Variants in MACF1 observed in about 807,000 individuals in gnomAD.
MACF1 encodes microtubule-actin cross-linking factor 1.
A neutral mutation model predicts 854.8 loss-of-function variants in MACF1; 193 were observed. The ratio of observed to expected loss-of-function variants is 0.23; its 90% CI spans 0.20 to 0.25. The LOEUF is 0.25. MACF1 is among the 10% of genes least tolerant of loss of function. The pLI is 1.00. For missense variants in MACF1, 7,722 were observed against 8,929.1 expected (o/e 0.86, Z 5.45); for synonymous variants, 3,185 against 3,226.7 (o/e 0.99, Z 0.44).
intron 58 of MACF1, among the ~76,000 whole-genome samples, chr1:39,402,321 G>T (rs1011492315): frequency 6.6e-6 from 1 of 152,164 alleles, no homozygotes; most frequent in Non-Finnish European, 1.5e-5. Flanking sequence ...GTTAGTCCCA[G>T]GGGGAGGCCC....
At chr1:39,234,722 G>A (rs1478200275) in intron 2 of MACF1, among the ~76,000 whole-genome samples, 3 of 135,936 alleles carry the variant, frequency 2.2e-5, no homozygotes, top group Admixed American at 2.2e-4. Context: ...GGCGGCTGCC[G>A]GGCGGAGGGG....
chr1:39,360,706 ATTAT>A, intron 47 of MACF1, 83 bp from the exon 48 acceptor site: 1 of 338,134 alleles, frequency 3.0e-6, no homozygotes, highest in Non-Finnish European at 4.6e-6. Context: ...TTTATTATTT[ATTAT>A]TTAATAATAT....
intron 2 of MACF1, among the ~76,000 whole-genome samples, chr1:39,106,330 C>G (rs1642237112): frequency 6.6e-6 from 1 of 152,104 alleles, no homozygotes; most frequent in African/African-American, 2.4e-5. Context: ...TTTTTCCTCC[C>G]ACATAAAGAT....
chr1:39,378,148 C>T (rs1649877418), intron 52 of MACF1, among the ~76,000 whole-genome samples: 1 of 152,098 alleles, frequency 6.6e-6, no homozygotes, highest in African/African-American at 2.4e-5. Flanking sequence ...CCATTCTAGA[C>T]TGAATAATTT....
At chr1:39,208,556 C>T (rs913187573) in intron 1 of MACF1, among the ~76,000 whole-genome samples, 5 of 152,198 alleles carry the variant, frequency 3.3e-5, no homozygotes, top group African/African-American at 4.8e-5. Context: ...CGGGTTCAAG[C>T]GATTCTCATG....
chr1:39,432,273 T>G (rs1643888308), intron 66 of MACF1, among the ~76,000 whole-genome samples: 1 of 152,186 alleles, frequency 6.6e-6, no homozygotes, highest in African/African-American at 2.4e-5. Flanking sequence ...GCATCTTTCT[T>G]TTGAAGGGGA....
At position 39,428,212 on chromosome 1, in the gene MACF1, T is replaced by C. The variant is rs771454136; in HGVS notation, c.16728T>C (p.Val5576=). 3 of 1,614,176 alleles carry C rather than the reference T, an allele frequency of 1.9e-6. No homozygotes were observed. Among genetic ancestry groups the C allele is most frequent in the Admixed American group, 3.3e-5 (2 of 60,010 alleles). Residue 5576 remains valine, a synonymous_variant, in exon 63 of 101, where the codon GTT becomes GTC. Coordinates refer to ENST00000564288, the MANE Select transcript of MACF1 (RefSeq NM_001394062.1). ...EVEVLNWLAE[V]EDKLSSVFVK... is the part of the protein sequence containing the mutation. ...AGGTGCTCAACTGGCTGGCTGAGGT[T>C]GAGGACAAGCTCAGTTCAGTGTTCG...
chr1:39,292,229 A>G (rs1346968971), intron 16 of MACF1, among the ~76,000 whole-genome samples, 191 bp downstream of exon 16: 1 of 152,202 alleles, frequency 6.6e-6, no homozygotes, highest in Non-Finnish European at 1.5e-5. Context: ...AACTTGTGAG[A>G]AAAGTATTTT....
intron 2 of MACF1, among the ~76,000 whole-genome samples, chr1:39,157,324 G>C (rs1210975778): frequency 1.3e-5 from 2 of 152,114 alleles, no homozygotes; most frequent in African/African-American, 4.8e-5. Flanking sequence ...TTTTTAGGTG[G>C]GCATACTCCC....
At chr1:39,210,898 G>A (rs1307747670) in intron 1 of MACF1, among the ~76,000 whole-genome samples, 1 of 151,080 alleles carries the variant, frequency 6.6e-6, no homozygotes, top group African/African-American at 2.5e-5. Flanking sequence ...TGGTTGTTTT[G>A]ACTTAGTTGT....
At chr1:39,458,055 T>G in intron 89 of MACF1, 1 of 214,194 alleles carries the variant, frequency 4.7e-6, no homozygotes, top group Non-Finnish European at 9.3e-6. Context: ...CAGCCAGTTC[T>G]CATGTGAACT....
rs1271350869 is a variant in MACF1 at position 39,439,363 on chromosome 1, C to G, written c.18310C>G (p.Leu6104Val). The G allele has an allele frequency of 4.3e-6, 7 of 1,613,828 alleles. 1 individual carries two copies. The Admixed American group carries it at 8.3e-5, about 19-fold the overall frequency. Residue 6104 changes from leucine to valine, a missense_variant, in exon 72 of 101, where the codon CTT becomes GTT. Leu to Val is a conservative substitution (Grantham distance 32). Around this residue, in one of 15 missense-constraint regions of MACF1, gnomAD observed 2,807 missense variants for 3,235.8 expected, o/e 0.87. Coordinates refer to ENST00000564288, the MANE Select transcript of MACF1 (RefSeq NM_001394062.1). Reference sequence around the variant, plus strand: ...ACGAGAAATCAAATTTCTTGATGTCCTTGAATTAGCAGAGAAGTTCTGGTA... The same window carrying G: ...ACGAGAAATCAAATTTCTTGATGTCGTTGAATTAGCAGAGAAGTTCTGGTA... Reference protein sequence around the residue: ...EEREIKFLDVLELAEKFWYDM... With the variant: ...EEREIKFLDVVELAEKFWYDM...
chr1:39,283,562 G>C lies in MACF1; in HGVS notation c.915+47G>C. ...AGGCCTTCTGACTTTGATTCATTTG[G>C]GTGAAATGCATTGGTTAGACACTTT... On this transcript the variant is annotated intron_variant, in intron 9 of 100. Transcript: ENST00000564288. This position sits in a 1 kb window ranked among gnomAD's most constrained non-coding sequence, Gnocchi z 4.5. 7.4e-7 allele frequency: 1 copy of C among 1,347,568 alleles called. No individual in the cohort carries two copies. The highest frequency in any genetic ancestry group is 1.1e-6 in the Non-Finnish European group (1 of 939,052). The allele number at this position is 1,347,568 out of a possible 1,614,324, so 83.5% of individuals were successfully genotyped here. A position where few individuals can be genotyped will look rare whatever the true frequency, so the allele number is the denominator to read the frequency against.
rs568882610 is a variant in MACF1, at chr1:39,268,379, A to G, written c.528+10351A>G. ...TTTGTGTTACTGAGGGCAGTGCTCC[A>G]ATTACCTCATATTTGGAGAGAGGAA... On this transcript the variant is annotated intron_variant, in intron 6 of 100. Transcript: ENST00000564288. The G allele has an allele frequency of 4.4e-6, 4 of 913,792 alleles. No homozygotes were observed. In the East Asian group the frequency reaches 4.3e-4, roughly 97 times the overall value. The allele number at this position is 913,792 out of a possible 1,614,324, so 56.6% of individuals were successfully genotyped here. A position where few individuals can be genotyped will look rare whatever the true frequency, so the allele number is the denominator to read the frequency against.
At chr1:39,441,421 A>C in intron 74 of MACF1, 96 bp downstream of exon 74, 1 of 939,550 alleles carries the variant, frequency 1.1e-6, no homozygotes, top group Non-Finnish European at 1.7e-6. Context: ...GATCACCTTC[A>C]CAGGACTGCA....
intron 2 of MACF1, among the ~76,000 whole-genome samples, chr1:39,240,552 G>A (rs1005864127): frequency 6.6e-6 from 1 of 152,204 alleles, no homozygotes; most frequent in Non-Finnish European, 1.5e-5. Flanking sequence ...AGGCTGGCAT[G>A]CAATGGTGCG....
chr1:39,298,528 G>C, intron 21 of MACF1: 1 of 331,094 alleles, frequency 3.0e-6, no homozygotes, highest in Non-Finnish European at 5.9e-6. Context: ...TGAGAAGTAA[G>C]GGGAATCTCG....
chr1:39,459,050 C>A, intron 90 of MACF1, 36 bp from the exon 91 acceptor site: 1 of 1,565,688 alleles, frequency 6.4e-7, no homozygotes, highest in Non-Finnish European at 8.7e-7. Flanking sequence ...GTATACTAAC[C>A]AGCTGTTCTA....
chr1:39,123,717 GTTTTTTTTT>G (rs1170430073), intron 2 of MACF1, among the ~76,000 whole-genome samples: 13 of 100,468 alleles, frequency 1.3e-4, no homozygotes, highest in Admixed American at 1.3e-3. Context: ...TTCTTGTTTT[GTTTTTTTTT>G]TTTTTTTTTT....
Sources: gnomAD v4.1 joint callset for allele counts (sites outside exome capture counted in the v4.1 genomes callset) on GRCh38, gnomAD v4.1.1 for gene constraint, gnomAD v4.1.1 regional missense constraint, Gnocchi (gnomAD v3.1) non-coding constraint, MANE v1.5 for transcripts, NCBI Gene and HGNC (gene_info 2026-07-23, HGNC 2026-07-21) for gene names.